KIDINS220: variants seen among roughly 807,000 people sequenced by gnomAD.
KIDINS220 encodes kinase D-interacting substrate of 220 kDa.
KIDINS220 carries 63 observed loss-of-function variants against 157.6 expected under a neutral mutation model. That is an observed-to-expected ratio of 0.40 (90% CI 0.33 to 0.49). The LOEUF (loss-of-function observed/expected upper bound fraction) is 0.49. KIDINS220 is among the 20% of genes least tolerant of loss of function. The pLI is 0.66. For missense variants in KIDINS220, 1,772 were observed against 2,171.2 expected (o/e 0.82, Z 3.65); for synonymous variants, 732 against 783.6 (o/e 0.93, Z 1.10).
chr2:8,790,116 T>C, intron 13 of KIDINS220, 57 bp from the exon 14 acceptor site: 1 of 1,481,578 alleles, frequency 6.7e-7, no homozygotes, highest in Non-Finnish European at 9.1e-7. Flanking sequence ...AATACAACTT[T>C]TAACTCAATA....
intron 10 of KIDINS220, among the ~76,000 whole-genome samples, chr2:8,797,798 C>G (rs1674172962): frequency 6.6e-6 from 1 of 152,140 alleles, no homozygotes; most frequent in Non-Finnish European, 1.5e-5. Context: ...AACCAACCAC[C>G]AGTCACATGG....
At chr2:8,767,294 A>G (rs1404038843) in intron 22 of KIDINS220, among the ~76,000 whole-genome samples, 1 of 152,178 alleles carries the variant, frequency 6.6e-6, no homozygotes, top group Non-Finnish European at 1.5e-5. Flanking sequence ...ATTTTGAATG[A>G]TGACAACACC....
At chr2:8,767,762 T>C (rs185038051) in intron 22 of KIDINS220, among the ~76,000 whole-genome samples, 8 of 152,344 alleles carry the variant, frequency 5.3e-5, no homozygotes, top group African/African-American at 1.9e-4. Context: ...TAAAATATGA[T>C]GTTTTATTAT....
rs1293267641 is a variant in KIDINS220, at chr2:8,731,945, T to C, written c.4091A>G (p.Asn1364Ser). The C allele has an allele frequency of 1.4e-5, 23 of 1,605,210 alleles. No homozygotes were observed. The highest frequency in any genetic ancestry group is 1.9e-5 in the Non-Finnish European group (22 of 1,175,602). The change falls in exon 30 of 30, where the codon AAT becomes AGT. Residue 1364 changes from asparagine to serine, a missense_variant. Around this residue, in one of 3 missense-constraint regions of KIDINS220, gnomAD observed 793 missense variants for 885.5 expected, o/e 0.90. Coordinates refer to ENST00000256707, the MANE Select transcript of KIDINS220 (RefSeq NM_020738.4). This position sits in a 1 kb window ranked among gnomAD's most constrained non-coding sequence, Gnocchi z 5.2. Reference protein sequence around the residue: ...TRRTPSLSSLNSQDSSIEISK... With the variant: ...TRRTPSLSSLSSQDSSIEISK... ...AATTTCAATACTGGAATCCTGGGAA[T>C]TGAGACTCGAAAGACTTGGGGTTCT...
intron 27 of KIDINS220, among the ~76,000 whole-genome samples, chr2:8,735,929 G>A (rs1664794553): frequency 1.3e-5 from 2 of 152,164 alleles, no homozygotes; most frequent in Non-Finnish European, 2.9e-5. Context: ...GGACTCGTGT[G>A]GGAGACCCCG....
chr2:8,722,315 A>ACTT (rs941852512), downstream of KIDINS220: 10 of 152,270 alleles, frequency 6.6e-5, no homozygotes. Context: ...GCAGAGTTAG[A>ACTT]CTGCAGAAGA....
intron 5 of KIDINS220, 148 bp downstream of exon 5, chr2:8,813,089 T>C (rs1676551614): frequency 3.8e-6 from 2 of 529,466 alleles, no homozygotes; most frequent in South Asian, 6.7e-5. Flanking sequence ...AAATTATCAT[T>C]ACTGTGTTTT....
downstream of KIDINS220, chr2:8,727,085 A>G: frequency 9.9e-7 from 1 of 1,011,934 alleles, no homozygotes; most frequent in Non-Finnish European, 1.3e-6. Context: ...CTATTTTTCA[A>G]TTCAGTTGCA....
chr2:8,778,726 C>A lies in KIDINS220; in HGVS notation c.2616G>T (p.Gly872=). The A allele has an allele frequency of 6.2e-7, 1 of 1,613,356 alleles. No individual in the cohort carries two copies. The highest frequency in any genetic ancestry group is 2.2e-5 in the East Asian group (1 of 44,888). Residue 872 remains glycine (G), a splice_region_variant and synonymous_variant, in exon 20 of 30, where the codon GGG becomes GGT. Coordinates refer to ENST00000256707, the MANE Select transcript of KIDINS220 (RefSeq NM_020738.4). ...NGDVPCSDTT[G]IQEDADRRVS... is the part of the protein sequence containing the mutation. ...CTCTTCTGTCAGCATCTTCCTGTAT[C>A]CCTTAAATAATTTATCAAGACAGCA...
intron 18 of KIDINS220, 31 bp from the exon 19 acceptor site, chr2:8,779,170 T>C (rs771642961): frequency 4.4e-6 from 7 of 1,604,124 alleles, no homozygotes; most frequent in Admixed American, 1.7e-5. Context: ...AGTTGTGACA[T>C]ACATTTTAAA....
intron 4 of KIDINS220, among the ~76,000 whole-genome samples, chr2:8,813,625 C>T (rs1163906715): frequency 3.3e-5 from 5 of 152,146 alleles, no homozygotes; most frequent in Admixed American, 1.3e-4. Flanking sequence ...TTTTGGCTGT[C>T]CAAAAATATT....
intron 6 of KIDINS220, among the ~76,000 whole-genome samples, chr2:8,809,634 G>A (rs113848836): frequency 5.1e-4 from 77 of 150,916 alleles, no homozygotes; most frequent in African/African-American, 1.7e-3. Flanking sequence ...CTGGATCACC[G>A]GCAACCCAAA....
intron 22 of KIDINS220, among the ~76,000 whole-genome samples, chr2:8,755,814 C>A (rs576767187): frequency 6.6e-6 from 1 of 152,336 alleles, no homozygotes; most frequent in East Asian, 1.9e-4. Flanking sequence ...TTTCTTGATT[C>A]TCAATTATAT....
intron 15 of KIDINS220, among the ~76,000 whole-genome samples, chr2:8,787,879 G>C (rs1672639231): frequency 6.6e-6 from 1 of 151,782 alleles, no homozygotes; most frequent in East Asian, 1.9e-4. Flanking sequence ...TATATTTCCT[G>C]AGCTGAGAAA....
chr2:8,760,487 T>C (rs1387401441), intron 22 of KIDINS220, among the ~76,000 whole-genome samples: 1 of 152,224 alleles, frequency 6.6e-6, no homozygotes, highest in East Asian at 1.9e-4. Context: ...GTGATTCACC[T>C]ATAAAACAAT....
intron 22 of KIDINS220, among the ~76,000 whole-genome samples, chr2:8,766,753 A>C (rs1669546071): frequency 2.6e-5 from 4 of 152,240 alleles, no homozygotes; most frequent in Admixed American, 2.6e-4. Context: ...ACAAATAGGT[A>C]AACTAAAAAA....
At chr2:8,770,265 G>A (rs942990691) in intron 22 of KIDINS220, among the ~76,000 whole-genome samples, 34 of 152,066 alleles carry the variant, frequency 2.2e-4, no homozygotes, top group Admixed American at 2.2e-3. Context: ...AAAGAGCCAG[G>A]AGTCCTGGTG....
Position 8,806,255 on chromosome 2 carries a change from A to C in KIDINS220, c.603+16T>G. On this transcript the variant is annotated intron_variant, in intron 7 of 29. Coordinates refer to ENST00000256707, the MANE Select transcript of KIDINS220 (RefSeq NM_020738.4). ...ACATGTTTCTATTGCCAAGCATTAA[A>C]ATATAAGATACTTACAGCTCCTTCT... 1 of 1,543,736 alleles carries C rather than the reference A, an allele frequency of 6.5e-7. No homozygotes were observed. The highest frequency in any genetic ancestry group is 8.8e-7 in the Non-Finnish European group (1 of 1,131,672).
At chr2:8,726,393 G>A (rs905156157), downstream of KIDINS220, among the ~76,000 whole-genome samples, 1 of 152,166 alleles carries the variant, frequency 6.6e-6, no homozygotes, top group Non-Finnish European at 1.5e-5. Flanking sequence ...TTACTTAAAA[G>A]GTTTTGACCA....
Sources: gnomAD v4.1 joint callset for allele counts (sites outside exome capture counted in the v4.1 genomes callset) on GRCh38, gnomAD v4.1.1 for gene constraint, gnomAD v4.1.1 regional missense constraint, Gnocchi (gnomAD v3.1) non-coding constraint, MANE v1.5 for transcripts, NCBI Gene and HGNC (gene_info 2026-07-23, HGNC 2026-07-21) for gene names.